The following C4orf50 variants were observed in gnomAD, a reference collection of about 807,000 sequenced individuals.
C4orf50 encodes chromosome 4 open reading frame 50.
In C4orf50, 80 loss-of-function variants were observed where a neutral mutation model predicts 77.2. The ratio of observed to expected loss-of-function variants is 1.04; its 90% CI spans 0.87 to 1.25. The LOEUF (loss-of-function observed/expected upper bound fraction) is 1.25, where lower values mean the gene tolerates loss of function less well. C4orf50 is among the 50% of genes most tolerant of loss of function. C4orf50 has a pLI of 0.00. For missense variants in C4orf50, 1,257 were observed against 1,152.9 expected (o/e 1.09, Z -1.31); for synonymous variants, 532 against 465.3 (o/e 1.14, Z -1.84).
intron 28 of C4orf50, among the ~76,000 whole-genome samples, chr4:5,987,945 T>A (rs1720968340): frequency 1.3e-5 from 2 of 152,202 alleles, no homozygotes; most frequent in African/African-American, 2.4e-5. Flanking sequence ...ATTGTTCTTT[T>A]CATTGCAACT....
intron 33 of C4orf50, among the ~76,000 whole-genome samples, chr4:5,961,614 G>T (rs1054192874): frequency 6.6e-6 from 1 of 152,214 alleles, no homozygotes; most frequent in Admixed American, 6.5e-5. Flanking sequence ...GGAGCCTGCT[G>T]CAAGATTTGA....
rs1217461279 is a variant in C4orf50 at position 5,976,442 on chromosome 4, CGAGGCTCTGT to C, written c.3865-497_3865-488del. On this transcript the variant is annotated intron_variant, in intron 29 of 33. Coordinates refer to ENST00000531445, the Ensembl canonical transcript of C4orf50. ...CTGCGCTCCAGCCTGGGCGAGAGAG[CGAGGCTCTGT>C]CTCGGAAAAAAAAAAAAAAAAAAAA... Among the ~76,000 whole-genome samples, 6 of 122,764 alleles carry C rather than the reference CGAGGCTCTGT, an allele frequency of 4.9e-5. No homozygotes were observed. The Admixed American group carries it at 6.7e-4, about 14-fold the overall frequency. The allele number at this position is 122,764 out of a possible 152,430, so 80.5% of individuals were successfully genotyped here. A position where few individuals can be genotyped will look rare whatever the true frequency, so the allele number is the denominator to read the frequency against.
At position 5,905,729 on chromosome 4, in the gene C4orf50, T is replaced by A. The variant is rs901066941; in HGVS notation, c.*2475-7541A>T. 6.6e-6 allele frequency among the ~76,000 whole-genome samples: 1 copy of A among 152,246 alleles called. No individual in the cohort carries two copies. Among genetic ancestry groups the A allele is most frequent in the Admixed American group, 6.5e-5 (1 of 15,284 alleles). ...GAAATTTTATGTTACTAAGCATTCA[T>A]GCACATTCTGTAGAGAGGGTTTCTA... On this transcript the variant is annotated intron_variant, in intron 7 of 7. Coordinates refer to the C4orf50 transcript ENST00000324058. This position sits in a 1 kb window ranked among gnomAD's most constrained non-coding sequence, Gnocchi z 5.4.
intron 7 of C4orf50, among the ~76,000 whole-genome samples, chr4:5,926,343 C>T (rs1207419196): frequency 6.6e-6 from 1 of 152,122 alleles, no homozygotes; most frequent in Non-Finnish European, 1.5e-5. Context: ...ACACGAAGGC[C>T]ACGTGGTGCA....
intron 28 of C4orf50, 48 bp downstream of exon 6, chr4:5,988,299 G>C (rs1317186702): frequency 6.3e-7 from 1 of 1,586,394 alleles, no homozygotes; most frequent in South Asian, 1.2e-5. Flanking sequence ...GTGGCCCCCG[G>C]AACAGAGTCA....
chr4:5,942,286 G>A (rs774990330), intron 7 of C4orf50, among the ~76,000 whole-genome samples: 2 of 152,216 alleles, frequency 1.3e-5, no homozygotes, highest in Non-Finnish European at 2.9e-5. Context: ...TCAGGAGCAG[G>A]GTGGTCTGGG....
rs1337551644 is a variant in C4orf50, at chr4:5,932,675, C to G, written c.*2474+24226G>C. On this transcript the variant is annotated intron_variant, in intron 7 of 7. Coordinates refer to the C4orf50 transcript ENST00000324058. The surrounding 1 kb of genome is among the most constrained non-coding windows in gnomAD (Gnocchi z 4.2). ...CAGGCTGGTCTTGAACTCTTGGGCT[C>G]AGGCAATTCTCTTACCTCAGCCTCC... 6.6e-6 allele frequency among the ~76,000 whole-genome samples: 1 copy of G among 152,112 alleles called. No individual in the cohort carries two copies. Among genetic ancestry groups the G allele is most frequent in the Non-Finnish European group, 1.5e-5 (1 of 68,026 alleles).
At chr4:5,944,318 G>C (rs923041937) in intron 7 of C4orf50, among the ~76,000 whole-genome samples, 1 of 152,166 alleles carries the variant, frequency 6.6e-6, no homozygotes, top group Non-Finnish European at 1.5e-5. Flanking sequence ...GTCCTCTGCA[G>C]GGGAATGACT....
intron 29 of C4orf50, among the ~76,000 whole-genome samples, chr4:5,976,711 C>G (rs1205622791): frequency 1.3e-5 from 2 of 152,352 alleles, no homozygotes; most frequent in East Asian, 3.9e-4. Context: ...TGCCCACCCA[C>G]TGGTGAGAAC....
At chr4:5,952,489 G>A (rs1248250368), downstream of C4orf50, among the ~76,000 whole-genome samples, 3 of 152,170 alleles carry the variant, frequency 2.0e-5, no homozygotes, top group Non-Finnish European at 2.9e-5. The surrounding 1 kb of genome is among the most constrained non-coding windows in gnomAD (Gnocchi z 4.4). Flanking sequence ...CAGAAGCAGC[G>A]GGGCTGGTCT....
intron 7 of C4orf50, among the ~76,000 whole-genome samples, chr4:5,939,811 C>G (rs1409500563): frequency 6.6e-6 from 1 of 152,200 alleles, no homozygotes; most frequent in Admixed American, 6.5e-5. Flanking sequence ...CACTGACTCT[C>G]AGAAGATCTC....
intron 25 of C4orf50, among the ~76,000 whole-genome samples, chr4:6,004,232 GTGA>G (rs1430261732): frequency 0.026 from 1,207 of 45,734 alleles, 23 homozygotes; most frequent in East Asian, 0.12. Context: ...TGATGTGATG[GTGA>G]TGATGATGGT....
At chr4:5,949,588 T>C (rs1387107318) in intron 7 of C4orf50, among the ~76,000 whole-genome samples, 2 of 152,208 alleles carry the variant, frequency 1.3e-5, no homozygotes, top group Non-Finnish European at 2.9e-5. Context: ...AGTTTCACTT[T>C]GGGAAGATGA....
intron 30 of C4orf50, among the ~76,000 whole-genome samples, chr4:5,975,139 CAAAA>C (rs763836859): frequency 3.0e-4 from 25 of 82,842 alleles, no homozygotes; most frequent in African/African-American, 5.7e-4. Flanking sequence ...CACTCCATCT[CAAAA>C]AAAAAAAAAA....
At chr4:5,956,389 G>A (rs1718960281), downstream of C4orf50, among the ~76,000 whole-genome samples, 6 of 152,196 alleles carry the variant, frequency 3.9e-5, no homozygotes, top group South Asian at 1.2e-3. Context: ...CGGCCCCTGG[G>A]CCTTGTGTTG....
exon 28 of C4orf50, chr4:5,988,709 G>C: frequency 1.3e-6 from 2 of 1,536,020 alleles, no homozygotes; most frequent in Middle Eastern, 3.3e-4. Context: ...CTCACCAAAC[G>C]CCCCTGATCC....
intron 7 of C4orf50, among the ~76,000 whole-genome samples, chr4:5,943,184 T>C (rs1718335836): frequency 6.6e-6 from 1 of 152,206 alleles, no homozygotes; most frequent in South Asian, 2.1e-4. Context: ...GCGGCAGCTG[T>C]TTCCGTGATG....
intron 25 of C4orf50, among the ~76,000 whole-genome samples, chr4:6,003,398 G>A (rs1225751414): frequency 6.6e-6 from 1 of 152,214 alleles, no homozygotes; most frequent in Non-Finnish European, 1.5e-5. Context: ...ATGAGCACAA[G>A]CCCAGGAAGA....
intron 23 of C4orf50, among the ~76,000 whole-genome samples, chr4:6,016,298 C>G (rs1337546519): frequency 6.6e-6 from 1 of 152,106 alleles, no homozygotes; most frequent in Non-Finnish European, 1.5e-5. Flanking sequence ...TCTATAATCC[C>G]AACACTTTGG....
Sources: gnomAD v4.1 joint callset for allele counts (sites outside exome capture counted in the v4.1 genomes callset) on GRCh38, gnomAD v4.1.1 for gene constraint, Gnocchi (gnomAD v3.1) non-coding constraint, MANE v1.5 for transcripts, NCBI Gene and HGNC (gene_info 2026-07-23, HGNC 2026-07-21) for gene names.